Variants in FHOD1 observed in about 807,000 individuals in gnomAD.
FHOD1 encodes the protein FH1/FH2 domain-containing protein 1.
In FHOD1, 89 loss-of-function variants were observed where a neutral mutation model predicts 111.6. The observed-to-expected ratio is 0.80, with a 90% confidence interval of 0.67 to 0.95. FHOD1 has a LOEUF of 0.95. FHOD1 is among the 40% of genes least tolerant of loss of function. The probability of loss-of-function intolerance (pLI) is 0.00; values close to 1 mark genes in which losing one functional copy is unlikely to be tolerated. For synonymous variants in FHOD1, 618 were observed against 639.0 expected (o/e 0.97, Z 0.50); for missense variants, 1,446 against 1,554.2 (o/e 0.93, Z 1.17).
chr16:67,232,218 T>C lies in FHOD1; in HGVS notation c.2047-24A>G, dbSNP rs371242052. The C allele has an allele frequency of 1.0e-4, 165 of 1,612,936 alleles. No individual in the cohort carries two copies. The African/African-American group carries it at 1.7e-3, about 16-fold the overall frequency. ...TTCTGCATGGTTGGGGGAAGGGCAG[T>C]GTAAGACTGAGGAAGGGGGCCTGAC... On this transcript the variant is annotated intron_variant, in intron 13 of 21. Coordinates refer to ENST00000258201, the MANE Select transcript of FHOD1 (RefSeq NM_013241.3).
In FHOD1 at chr16:67,229,498, A is replaced by C. The variant is rs2034159561; in HGVS notation, c.*138T>G. 1.3e-6 allele frequency: 1 copy of C among 743,414 alleles called. No individual in the cohort carries two copies. Among genetic ancestry groups the C allele is most frequent in the Non-Finnish European group, 2.4e-6 (1 of 419,314 alleles). The allele number at this position is 743,414 out of a possible 1,614,324, so 46.1% of individuals were successfully genotyped here. ...CATACACACACACTCACATGCATAC[A>C]CACACGGCTAATACTGCTCAAGGCA... On this transcript the variant is annotated 3_prime_UTR_variant, in exon 22 of 22. Transcript: ENST00000258201.
chr16:67,238,567 CAGGGT>C lies in FHOD1; in HGVS notation c.374-125_374-121del. 1.0e-6 allele frequency: 1 copy of C among 988,612 alleles called. No homozygotes were observed. Among genetic ancestry groups the C allele is most frequent in the Non-Finnish European group, 1.6e-6 (1 of 641,380 alleles). The allele number at this position is 988,612 out of a possible 1,614,324, so 61.2% of individuals were successfully genotyped here. On this transcript the variant is annotated intron_variant, in intron 3 of 21. Coordinates refer to ENST00000258201, the MANE Select transcript of FHOD1 (RefSeq NM_013241.3). This position sits in a 1 kb window ranked among gnomAD's most constrained non-coding sequence, Gnocchi z 4.2. ...AATATATATGTTTTGGTCTGAGAGA[CAGGGT>C]CTCACTCTGTCACTCAGGCTGGAGT...
intron 11 of FHOD1, chr16:67,236,136 C>T (rs949395724): frequency 8.6e-6 from 6 of 695,380 alleles, no homozygotes; most frequent in African/African-American, 5.8e-5. Context: ...CTCATACCCA[C>T]ACAGAGCTAG....
rs1003498551 is a variant in FHOD1 at position 67,236,789 on chromosome 16, T to C, written c.1143-56A>G. ...CCTGAGAAGCTGGAGGCGGGGCCTG[T>C]CAGTGGGGTGGGGCCTGCGGGGCGG... is the stretch of plus-strand genomic sequence containing the variant. On this transcript the variant is annotated intron_variant, in intron 10 of 21. Coordinates refer to ENST00000258201, the MANE Select transcript of FHOD1 (RefSeq NM_013241.3). The C allele has an allele frequency of 3.9e-5, 29 of 752,296 alleles. No individual in the cohort carries two copies. In the Admixed American group the frequency reaches 1.5e-3, roughly 38 times the overall value. 46.6% of individuals were successfully genotyped at this position (752,296 alleles called of 1,614,324 possible).
At position 67,237,793 on chromosome 16, in the gene FHOD1, G is replaced by A. The variant is rs764500585; in HGVS notation, c.643-25C>T. 4 of 1,597,176 alleles carry A rather than the reference G, an allele frequency of 2.5e-6. No homozygotes were observed. The Admixed American group carries it at 6.7e-5, about 27-fold the overall frequency. ...ACTGAGGAGAGAGGTCAGTACATAT[G>A]AGTGGGGCTTAGGCCAGACCTGTGC... On this transcript the variant is annotated intron_variant, in intron 6 of 21. Transcript: ENST00000258201. The surrounding 1 kb of genome is among the most constrained non-coding windows in gnomAD (Gnocchi z 5.6).
intron 2 of FHOD1, 137 bp from the exon 3 acceptor site, chr16:67,239,104 G>A (rs2034595988): frequency 1.2e-6 from 1 of 858,916 alleles, no homozygotes; most frequent in Non-Finnish European, 1.9e-6. Flanking sequence ...AAGAACCCAA[G>A]GGTTGGTCGG....
At chr16:67,234,332 T>C (rs1281436479) in intron 12 of FHOD1, 25 bp downstream of exon 12, 1 of 1,607,036 alleles carries the variant, frequency 6.2e-7, no homozygotes, top group South Asian at 1.1e-5. Context: ...ACAGGCAGGC[T>C]CTGCCTGCTC....
chr16:67,229,548 G>C lies in FHOD1; in HGVS notation c.*88C>G. The C allele has an allele frequency of 8.3e-7, 1 of 1,205,744 alleles. No homozygotes were observed. Among genetic ancestry groups the C allele is most frequent in the Non-Finnish European group, 1.2e-6 (1 of 809,944 alleles). The allele number at this position is 1,205,744 out of a possible 1,614,324, so 74.7% of individuals were successfully genotyped here. Reference sequence around the variant, plus strand: ...ATGGCTCCTGGGCACAGAGTTCTGGGGCCAGAATTCTGCTCTGGGCCCTCC... The same window carrying C: ...ATGGCTCCTGGGCACAGAGTTCTGGCGCCAGAATTCTGCTCTGGGCCCTCC... On this transcript the variant is annotated 3_prime_UTR_variant, in exon 22 of 22. Transcript: ENST00000258201.
At chr16:67,233,026 G>A (rs1232248050) in intron 13 of FHOD1, among the ~76,000 whole-genome samples, 3 of 151,788 alleles carry the variant, frequency 2.0e-5, no homozygotes, top group Non-Finnish European at 4.4e-5. Context: ...CAAAGTGCTG[G>A]GATTACAGGG....
Position 67,237,629 on chromosome 16 carries a change from G to GT in FHOD1, c.754+27dup. On this transcript the variant is annotated intron_variant, in intron 7 of 21. Coordinates refer to ENST00000258201, the MANE Select transcript of FHOD1 (RefSeq NM_013241.3). The surrounding 1 kb of genome is among the most constrained non-coding windows in gnomAD (Gnocchi z 5.6). ...CAGGTAGGAGAGAGGGCTCTGAGCG[G>GT]TGGGGGGAGAAAGGGACAGTCTCTG... 1 of 1,613,094 alleles carries GT rather than the reference G, an allele frequency of 6.2e-7. No homozygotes were observed. Among genetic ancestry groups the GT allele is most frequent in the Non-Finnish European group, 8.5e-7 (1 of 1,179,034 alleles).
At position 67,238,844 on chromosome 16, in the gene FHOD1, G is replaced by A; in HGVS notation, c.373+59C>T. 6.4e-7 allele frequency: 1 copy of A among 1,553,550 alleles called. No homozygotes were observed. The highest frequency in any genetic ancestry group is 8.9e-7 in the Non-Finnish European group (1 of 1,124,778). ...CACTGTTCAGCACAGGCCTGAAGGTGAGCCAACTGGGCTATGGGGAGGAGG... is the reference window on the plus strand; with the variant it reads ...CACTGTTCAGCACAGGCCTGAAGGTAAGCCAACTGGGCTATGGGGAGGAGG... On this transcript the variant is annotated intron_variant, in intron 3 of 21. Transcript: ENST00000258201. This position sits in a 1 kb window ranked among gnomAD's most constrained non-coding sequence, Gnocchi z 4.2.
intron 11 of FHOD1, among the ~76,000 whole-genome samples, chr16:67,235,587 G>A (rs1809243099): frequency 6.6e-6 from 1 of 150,872 alleles, no homozygotes; most frequent in South Asian, 2.1e-4. Flanking sequence ...CTCAGTTTAT[G>A]CTGAAATAAT....
Position 67,237,097 on chromosome 16 carries a change from C to T in FHOD1, c.1011G>A (p.Glu337=), listed in dbSNP as rs2034514389. The T allele has an allele frequency of 6.2e-7, 1 of 1,611,062 alleles. No homozygotes were observed. Among genetic ancestry groups the T allele is most frequent in the Non-Finnish European group, 8.5e-7 (1 of 1,178,916 alleles). The change falls in exon 10 of 22, where the codon GAG becomes GAA. Residue 337 remains glutamate, a synonymous_variant. Coordinates refer to ENST00000258201, the MANE Select transcript of FHOD1 (RefSeq NM_013241.3). This position sits in a 1 kb window ranked among gnomAD's most constrained non-coding sequence, Gnocchi z 5.6. The part of the protein sequence containing the change: ...LVLYENALKL[E]DGDIEEAPGA... ...CTGGGGCTTCTTCGATGTCTCCATCCTCCAATTTCAGGGCGTTCTAGCAGA... is the reference window on the plus strand; with the variant it reads ...CTGGGGCTTCTTCGATGTCTCCATCTTCCAATTTCAGGGCGTTCTAGCAGA...
chr16:67,230,176 G>A lies in FHOD1; in HGVS notation c.3104C>T (p.Pro1035Leu). The A allele has an allele frequency of 6.2e-7, 1 of 1,614,100 alleles. No individual in the cohort carries two copies. Among genetic ancestry groups the A allele is most frequent in the Non-Finnish European group, 8.5e-7 (1 of 1,179,966 alleles). Reference protein sequence around the residue: ...AGEAPSNPSVPVAVSSGPGRG... With the variant: ...AGEAPSNPSVLVAVSSGPGRG... ...GCCTGGCCCGCTGCTCACTGCTACT[G>A]GGACAGAGGGGTTGCTGGGGGCTTC... is the stretch of plus-strand genomic sequence containing the variant. Residue 1035 changes from proline to leucine, a missense_variant, in exon 20 of 22, where the codon CCA becomes CTA. Physicochemically the swap from Pro to Leu is moderately conservative, Grantham distance 98 (BLOSUM62 -3). Transcript: ENST00000258201.
chr16:67,247,010 G>A (rs1310002301), intron 1 of FHOD1, 200 bp downstream of exon 1: 1 of 594,846 alleles, frequency 1.7e-6, no homozygotes, highest in Non-Finnish European at 2.8e-6. Context: ...CCAAGTTCCT[G>A]GCACCCCTCT....
rs1343221621 is a variant in FHOD1, at chr16:67,233,997, A to T, written c.1706T>A (p.Ile569Asn). The change falls in exon 13 of 22, where the codon ATC (isoleucine) becomes AAC (asparagine). Residue 569 changes from isoleucine to asparagine, a missense_variant. By Grantham distance (149) the Ile-to-Asn change is moderately radical. Around this residue, in one of 3 missense-constraint regions of FHOD1, gnomAD observed 1,085 missense variants for 1,108.8 expected, o/e 0.98. Coordinates refer to ENST00000258201, the MANE Select transcript of FHOD1 (RefSeq NM_013241.3). Reference sequence around the variant, plus strand: ...GGGCAGTGGGGGTGAGGGAGCTGGGATGTCTTTCCCAGCCTCCACAGACTC... The same window carrying T: ...GGGCAGTGGGGGTGAGGGAGCTGGGTTGTCTTTCCCAGCCTCCACAGACTC... ...NVESVEAGKD[I>N]PAPSPPLPLL... 1.9e-6 allele frequency: 3 copies of T among 1,612,204 alleles called. No individual in the cohort carries two copies. The highest frequency in any genetic ancestry group is 2.5e-6 in the Non-Finnish European group (3 of 1,179,754).
At chr16:67,244,189 A>G (rs1469174081) in intron 1 of FHOD1, among the ~76,000 whole-genome samples, 1 of 152,130 alleles carries the variant, frequency 6.6e-6, no homozygotes, top group Non-Finnish European at 1.5e-5. Context: ...GGGTCAGAGA[A>G]GCACCCCAGA....
chr16:67,231,609 T>C lies in FHOD1; in HGVS notation c.2385+28A>G. 1 of 1,614,118 alleles carries C rather than the reference T, an allele frequency of 6.2e-7. No individual in the cohort carries two copies. The highest frequency in any genetic ancestry group is 8.5e-7 in the Non-Finnish European group (1 of 1,179,972). On this transcript the variant is annotated intron_variant, in intron 15 of 21. Transcript: ENST00000258201. The surrounding 1 kb of genome is among the most constrained non-coding windows in gnomAD (Gnocchi z 4.3). ...GGTCATGATGCTTACCTGTCCCTAC[T>C]GACTGTCCCACTCCAAGACCCAGGT...
chr16:67,246,882 C>G (rs983516953), intron 1 of FHOD1: 1 of 324,784 alleles, frequency 3.1e-6, no homozygotes, highest in South Asian at 6.5e-5. Flanking sequence ...GGGTCCGCTA[C>G]AGCCCAAGCG....
Sources: gnomAD v4.1 joint callset for allele counts (sites outside exome capture counted in the v4.1 genomes callset) on GRCh38, gnomAD v4.1.1 for gene constraint, gnomAD v4.1.1 regional missense constraint, Gnocchi (gnomAD v3.1) non-coding constraint, MANE v1.5 for transcripts, NCBI Gene and HGNC (gene_info 2026-07-23, HGNC 2026-07-21) for gene names.